The following FRMPD4 variants were observed in gnomAD, a reference collection of about 807,000 sequenced individuals.
The protein encoded by FRMPD4 is FERM and PDZ domain-containing protein 4.
A neutral mutation model predicts 94.1 loss-of-function variants in FRMPD4; 22 were observed. That is an observed-to-expected ratio of 0.23 (90% CI 0.17 to 0.33). The LOEUF is 0.33. Among genes scored for constraint, FRMPD4 ranks in the 10% least tolerant of loss-of-function variants. The pLI is 1.00. For missense variants in FRMPD4, 1,111 were observed against 1,339.9 expected (o/e 0.83, Z 2.67); for synonymous variants, 631 against 548.6 (o/e 1.15, Z -2.10).
At chrX:12,317,565 G>A (rs2055138208) in intron 1 of FRMPD4, among the ~76,000 whole-genome samples, 1 of 58,960 alleles carries the variant, frequency 1.7e-5, no homozygotes, top group Non-Finnish European at 3.2e-5. Context: ...AATATACAAG[G>A]AAGTCAAACA....
rs6640894 is a variant in FRMPD4, at chrX:12,109,713, C to T, written c.95+231695C>T. ...AGAAAAGAGGGGAGAATCAAATAGA[C>T]GCAATAAAAAATGATAAAGGGGATA... On this transcript the variant is annotated intron_variant, in intron 3 of 18. Coordinates refer to the FRMPD4 transcript ENST00000640291. Among the ~76,000 whole-genome samples, 877 of 110,372 alleles carry T rather than the reference C, an allele frequency of 7.9e-3. 7 individuals carry two copies. Among genetic ancestry groups the T allele is most frequent in the Non-Finnish European group, 0.012 (633 of 52,720 alleles).
At chrX:12,038,099 T>C (rs1393890632) in intron 3 of FRMPD4, among the ~76,000 whole-genome samples, 1 of 112,349 alleles carries the variant, frequency 8.9e-6, no homozygotes, top group Non-Finnish European at 1.9e-5. Context: ...ATTAATATAC[T>C]AGTATTTTGA....
At chrX:12,251,975 G>C (rs2054046372) in intron 1 of FRMPD4, among the ~76,000 whole-genome samples, 1 of 112,224 alleles carries the variant, frequency 8.9e-6, no homozygotes, top group Non-Finnish European at 1.9e-5. Context: ...AACCTTAAAA[G>C]AAATATTGCA....
At chrX:12,355,408 G>A (rs900930347) in intron 1 of FRMPD4, among the ~76,000 whole-genome samples, 4 of 111,503 alleles carry the variant, frequency 3.6e-5, no homozygotes, top group Non-Finnish European at 7.5e-5. Context: ...TTGAACTCCT[G>A]GGCTCAAGCA....
chrX:11,887,032 A>G (rs1601822762), intron 3 of FRMPD4, among the ~76,000 whole-genome samples: 1 of 111,252 alleles, frequency 9.0e-6, no homozygotes, highest in Non-Finnish European at 1.9e-5. Context: ...TCATGTGTCT[A>G]TTGTCTGTTT....
rs1212227412 is a variant in FRMPD4 at position 12,007,850 on chromosome X, A to G, written c.95+129832A>G. The stretch of plus-strand genomic sequence containing the variant: ...CTTACAGGAATAACTGAAATCTTTG[A>G]TATTGTTACATTCTTGGCAGGGATT... On this transcript the variant is annotated intron_variant, in intron 3 of 18. Transcript: ENST00000640291. Among the ~76,000 whole-genome samples, 3 of 112,149 alleles carry G rather than the reference A, an allele frequency of 2.7e-5. No individual in the cohort carries two copies. In the Admixed American group the frequency reaches 2.8e-4, roughly 11 times the overall value.
chrX:12,675,828 A>G (rs920323576), intron 5 of FRMPD4, among the ~76,000 whole-genome samples: 3 of 111,264 alleles, frequency 2.7e-5, no homozygotes, highest in African/African-American at 9.8e-5. Context: ...GAGTTGGAGC[A>G]TTTCTATATC....
At chrX:12,460,315 CTGTT>C (rs2057378381) in intron 1 of FRMPD4, among the ~76,000 whole-genome samples, 1 of 111,875 alleles carries the variant, frequency 8.9e-6, no homozygotes, top group Admixed American at 9.5e-5. Context: ...TTTCTACATC[CTGTT>C]TAAGAAATCT....
chrX:11,986,948 G>A (rs1206365348), intron 3 of FRMPD4, among the ~76,000 whole-genome samples: 1 of 107,992 alleles, frequency 9.3e-6, no homozygotes, highest in African/African-American at 3.4e-5. Flanking sequence ...GGAACCAATG[G>A]CTTCACTGCT....
chrX:11,840,142 C>G (rs766511511), intron 1 of FRMPD4, among the ~76,000 whole-genome samples: 1 of 111,408 alleles, frequency 9.0e-6, no homozygotes, highest in South Asian at 3.7e-4. Flanking sequence ...TATATTGAAT[C>G]TGTAGATCAG....
intron 2 of FRMPD4, among the ~76,000 whole-genome samples, chrX:12,511,743 A>G (rs2058044992): frequency 9.8e-6 from 1 of 102,156 alleles, no homozygotes; most frequent in African/African-American, 3.5e-5. Flanking sequence ...CAATGGCCAA[A>G]AACTTTTCAA....
At chrX:11,987,113 A>C (rs2054434424) in intron 3 of FRMPD4, among the ~76,000 whole-genome samples, 1 of 98,264 alleles carries the variant, frequency 1.0e-5, no homozygotes, top group East Asian at 3.0e-4. Context: ...AAAAAAAAAA[A>C]AAAAAAAAAA....
chrX:12,605,101 A>G (rs1284891525), intron 2 of FRMPD4, among the ~76,000 whole-genome samples: 1 of 112,438 alleles, frequency 8.9e-6, no homozygotes, highest in Admixed American at 9.4e-5. Context: ...TAGGGGAGCC[A>G]GGACTTGAAT....
At chrX:12,461,470 T>C (rs781234824) in intron 1 of FRMPD4, among the ~76,000 whole-genome samples, 2 of 111,903 alleles carry the variant, frequency 1.8e-5, no homozygotes, top group Non-Finnish European at 3.8e-5. Flanking sequence ...AGGATCAAGA[T>C]AAAAGAGATA....
At chrX:12,667,724 T>C (rs2059794760) in intron 4 of FRMPD4, among the ~76,000 whole-genome samples, 1 of 111,877 alleles carries the variant, frequency 8.9e-6, no homozygotes, top group African/African-American at 3.2e-5. Flanking sequence ...CAAAGCATGC[T>C]CTAAAACCAT....
At chrX:12,223,458 A>C (rs1225490972) in intron 1 of FRMPD4, among the ~76,000 whole-genome samples, 1 of 111,755 alleles carries the variant, frequency 8.9e-6, no homozygotes, top group Non-Finnish European at 1.9e-5. Context: ...TTGAGGGTAA[A>C]GGGTGGGAAG....
At chrX:12,088,428 A>G (rs188198958) in intron 3 of FRMPD4, among the ~76,000 whole-genome samples, 1 of 112,065 alleles carries the variant, frequency 8.9e-6, no homozygotes, top group Non-Finnish European at 1.9e-5. Context: ...CAGGAGCATA[A>G]ACATTCAGTC....
At chrX:12,204,790 T>C (rs766186607) in intron 1 of FRMPD4, among the ~76,000 whole-genome samples, 12 of 111,180 alleles carry the variant, frequency 1.1e-4, no homozygotes, top group Non-Finnish European at 2.3e-4. Context: ...CCTGCCTAGA[T>C]TCACTGGAGC....
intron 3 of FRMPD4, among the ~76,000 whole-genome samples, chrX:12,000,125 A>T (rs200014485): frequency 3.6e-5 from 4 of 112,191 alleles, no homozygotes; most frequent in African/African-American, 1.3e-4. Flanking sequence ...TGATATTTTT[A>T]AAAACCCACT....
Sources: gnomAD v4.1 joint callset for allele counts (sites outside exome capture counted in the v4.1 genomes callset) on GRCh38, gnomAD v4.1.1 for gene constraint, MANE v1.5 for transcripts, NCBI Gene and HGNC (gene_info 2026-07-23, HGNC 2026-07-21) for gene names.